Variants in FIP1L1 observed in about 807,000 individuals in gnomAD.
FIP1L1 encodes the protein pre-mRNA 3'-end-processing factor FIP1.
A neutral mutation model predicts 84.6 loss-of-function variants in FIP1L1; 21 were observed. The observed-to-expected ratio is 0.25, with a 90% CI of 0.18 to 0.36. The LOEUF is 0.36. Ranked by LOEUF, FIP1L1 falls within the 10% of genes least tolerant of loss-of-function variation. The probability of loss-of-function intolerance (pLI) is 1.00; values close to 1 mark genes in which losing one functional copy is unlikely to be tolerated. For missense variants in FIP1L1, 526 were observed against 751.1 expected, an observed-to-expected ratio of 0.70 and a Z score of 3.50; for synonymous variants, 263 against 242.3, an observed-to-expected ratio of 1.09 and a Z score of -0.80.
At chr4:53,419,969 G>A (rs1268242676) in intron 11 of FIP1L1, among the ~76,000 whole-genome samples, 1 of 152,008 alleles carries the variant, frequency 6.6e-6, no homozygotes, top group Non-Finnish European at 1.5e-5. Flanking sequence ...AGCACTTTGG[G>A]AGGCCGAGGC....
At chr4:53,400,231 G>A (rs1749531589) in intron 10 of FIP1L1, among the ~76,000 whole-genome samples, 4 of 152,168 alleles carry the variant, frequency 2.6e-5, no homozygotes, top group Admixed American at 1.3e-4. Flanking sequence ...TTTGCTAATT[G>A]TAGTGAAAGA....
intron 9 of FIP1L1, among the ~76,000 whole-genome samples, chr4:53,397,021 T>A (rs1441408283): frequency 6.6e-6 from 1 of 152,154 alleles, no homozygotes; most frequent in Admixed American, 6.5e-5. Context: ...TGCTAGAGAG[T>A]TCTAAGACAT....
At position 53,460,439 on chromosome 4, in the gene FIP1L1, A is replaced by C. The variant is rs1263165773; in HGVS notation, c.*990A>C. On this transcript the variant is annotated 3_prime_UTR_variant, in exon 18 of 18. Coordinates refer to ENST00000337488, the MANE Select transcript of FIP1L1 (RefSeq NM_030917.4). ...CAAAAGTAATCTTAATTAGTATCAC[A>C]TACTAAAAGACAACTATAACTTCTG... 5.2e-6 allele frequency: 1 copy of C among 191,182 alleles called. No individual in the cohort carries two copies. Among genetic ancestry groups the C allele is most frequent in the African/African-American group, 2.3e-5 (1 of 42,968 alleles). 11.8% of individuals were successfully genotyped at this position (191,182 alleles called of 1,614,324 possible). A position where few individuals can be genotyped will look rare whatever the true frequency, so the allele number is the denominator to read the frequency against.
rs528691626 is a variant in FIP1L1 at position 53,406,364 on chromosome 4, T to A, written c.815+6525T>A. Among the ~76,000 whole-genome samples the A allele has an allele frequency of 6.9e-3, 1,052 of 152,338 alleles. 16 individuals carry two copies. Among genetic ancestry groups the A allele is most frequent in the African/African-American group, 0.024 (997 of 41,578 alleles). On this transcript the variant is annotated intron_variant, in intron 10 of 17. Transcript: ENST00000337488. ...TTGCATCCCAGGGATGAAGCCCACT[T>A]GATCATGGTGGATAAGCTTTTTGAT... is the stretch of plus-strand genomic sequence containing the variant.
chr4:53,455,943 C>T (rs1292084726), intron 16 of FIP1L1, among the ~76,000 whole-genome samples: 3 of 151,880 alleles, frequency 2.0e-5, no homozygotes, highest in Non-Finnish European at 4.4e-5. Flanking sequence ...ATGACACATG[C>T]GTGTGTGTGC....
rs756901206 is a variant in FIP1L1 at position 53,391,414 on chromosome 4, A to G, written c.637-16A>G. ...ATTATGTGGTATCTTAATGGGGAAT[A>G]TGTTATTTAACTTAGGCCGAAGACT... On this transcript the variant is annotated splice_polypyrimidine_tract_variant and intron_variant, in intron 8 of 17. Coordinates refer to ENST00000337488, the MANE Select transcript of FIP1L1 (RefSeq NM_030917.4). 32 of 1,603,978 alleles carry G rather than the reference A, an allele frequency of 2.0e-5. No individual in the cohort carries two copies. The highest frequency in any genetic ancestry group is 2.6e-5 in the Non-Finnish European group (31 of 1,171,200).
chr4:53,450,290 A>G (rs561481215), intron 15 of FIP1L1, among the ~76,000 whole-genome samples: 1 of 152,284 alleles, frequency 6.6e-6, no homozygotes, highest in African/African-American at 2.4e-5. Flanking sequence ...TTGACCCATG[A>G]ATTATCAGAA....
chr4:53,377,968 C>T, intron 1 of FIP1L1, 45 bp downstream of exon 1: 1 of 1,453,362 alleles, frequency 6.9e-7, no homozygotes, highest in Non-Finnish European at 9.2e-7. Context: ...CTCAGGCCTC[C>T]CCTCTTGGCC....
chr4:53,410,325 T>A (rs1032745778), intron 10 of FIP1L1, among the ~76,000 whole-genome samples: 25 of 152,244 alleles, frequency 1.6e-4, no homozygotes, highest in African/African-American at 5.3e-4. Context: ...AACTGTAGAA[T>A]GGTCGTTGAG....
chr4:53,428,670 T>G (rs1206736156), intron 13 of FIP1L1, among the ~76,000 whole-genome samples: 2 of 152,244 alleles, frequency 1.3e-5, no homozygotes, highest in Non-Finnish European at 2.9e-5. Flanking sequence ...TAAACAAAAG[T>G]AAATGTTGAT....
At chr4:53,411,906 G>A (rs1757405460) in intron 10 of FIP1L1, among the ~76,000 whole-genome samples, 1 of 151,964 alleles carries the variant, frequency 6.6e-6, no homozygotes, top group African/African-American at 2.4e-5. Flanking sequence ...TGGCATATCA[G>A]GAATGTACAT....
At chr4:53,382,436 T>C (rs1375024783) in intron 4 of FIP1L1, 101 bp downstream of exon 4, 12 of 844,222 alleles carry the variant, frequency 1.4e-5, no homozygotes, top group Non-Finnish European at 2.0e-6. Context: ...ACCTTCAGTA[T>C]CAGGTGTTAT....
chr4:53,436,418 G>A (rs753679050), intron 13 of FIP1L1, among the ~76,000 whole-genome samples: 34 of 152,202 alleles, frequency 2.2e-4, no homozygotes, highest in Admixed American at 5.9e-4. Flanking sequence ...CCTCACTGGT[G>A]TAGGCGTCTT....
At chr4:53,416,714 C>T (rs2149792302) in intron 11 of FIP1L1, among the ~76,000 whole-genome samples, 1 of 152,272 alleles carries the variant, frequency 6.6e-6, no homozygotes, top group Middle Eastern at 3.4e-3. Flanking sequence ...CATGTAATCC[C>T]AGCACTTTGG....
At chr4:53,455,804 C>CA (rs956613985) in intron 16 of FIP1L1, among the ~76,000 whole-genome samples, 118 of 150,356 alleles carry the variant, frequency 7.8e-4, no homozygotes, top group East Asian at 4.9e-3. Context: ...AAAACTTTAC[C>CA]AAAAAAAAAT....
chr4:53,437,452 C>A (rs943880725), intron 13 of FIP1L1, among the ~76,000 whole-genome samples: 1 of 150,046 alleles, frequency 6.7e-6, no homozygotes, highest in Non-Finnish European at 1.5e-5. Flanking sequence ...CATAAAAATT[C>A]GGAATGGGAT....
At chr4:53,400,674 TTA>T (rs1749751497) in intron 10 of FIP1L1, among the ~76,000 whole-genome samples, 1 of 152,206 alleles carries the variant, frequency 6.6e-6, no homozygotes, top group African/African-American at 2.4e-5. Flanking sequence ...GGAAGAGACT[TTA>T]TAGTGGCATC....
At chr4:53,448,828 T>C (rs916806842) in intron 15 of FIP1L1, among the ~76,000 whole-genome samples, 3 of 152,174 alleles carry the variant, frequency 2.0e-5, no homozygotes, top group African/African-American at 7.2e-5. Flanking sequence ...TAAACTGCTA[T>C]AGTTATCTCC....
intron 5 of FIP1L1, among the ~76,000 whole-genome samples, chr4:53,388,436 G>A (rs1256118097): frequency 6.6e-6 from 1 of 151,796 alleles, no homozygotes; most frequent in Non-Finnish European, 1.5e-5. Context: ...CTGGGTTCAC[G>A]CCATTCTCAT....
Sources: gnomAD v4.1 joint callset for allele counts (sites outside exome capture counted in the v4.1 genomes callset) on GRCh38, gnomAD v4.1.1 for gene constraint, MANE v1.5 for transcripts, NCBI Gene and HGNC (gene_info 2026-07-23, HGNC 2026-07-21) for gene names.